KIF21A: variants seen among roughly 807,000 people sequenced by gnomAD.
The protein encoded by KIF21A is kinesin family member 21A, also known as kinesin-like protein KIF21A.
In KIF21A, 114 loss-of-function variants were observed where a neutral mutation model predicts 202.9. The ratio of observed to expected loss-of-function variants is 0.56; its 90% CI spans 0.48 to 0.66. The LOEUF (loss-of-function observed/expected upper bound fraction) is 0.66, where lower values mean the gene tolerates loss of function less well. Among genes scored for constraint, KIF21A ranks in the 30% least tolerant of loss-of-function variants. The probability of loss-of-function intolerance (pLI) is 0.00; values close to 1 mark genes in which losing one functional copy is unlikely to be tolerated. For synonymous variants in KIF21A, 667 were observed against 670.8 expected (o/e 0.99, Z 0.09); for missense variants, 1,677 against 1,994.9 (o/e 0.84, Z 3.04).
At position 39,296,600 on chromosome 12, in the gene KIF21A, G is replaced by C. The variant is rs372135037; in HGVS notation, c.4932-2083C>G. On this transcript the variant is annotated intron_variant, in intron 37 of 37. Transcript: ENST00000361418. ...AAGAGATTACAATTTTAAATAAAAT[G>C]GCCAGGATACTCTTACTGAGGAAGA... Among the ~76,000 whole-genome samples the C allele has an allele frequency of 2.0e-5, 3 of 152,130 alleles. No homozygotes were observed. In the East Asian group the frequency reaches 5.8e-4, roughly 29 times the overall value.
intron 1 of KIF21A, among the ~76,000 whole-genome samples, chr12:39,415,598 T>G (rs1439587724): frequency 1.3e-5 from 2 of 152,182 alleles, no homozygotes; most frequent in African/African-American, 4.8e-5. Context: ...AGCTCCCTTA[T>G]GTCTGAGAAG....
intron 1 of KIF21A, among the ~76,000 whole-genome samples, chr12:39,417,370 TTCCA>T (rs1953851365): frequency 6.6e-6 from 1 of 152,154 alleles, no homozygotes; most frequent in Non-Finnish European, 1.5e-5. Flanking sequence ...TGATTATATT[TTCCA>T]ATATCAATGA....
At chr12:39,348,631 A>G (rs1245971208) in intron 11 of KIF21A, among the ~76,000 whole-genome samples, 2 of 152,006 alleles carry the variant, frequency 1.3e-5, no homozygotes, top group Non-Finnish European at 2.9e-5. Context: ...ACACAAAACA[A>G]TAAATTAAAA....
chr12:39,344,551 T>C (rs2138487404), intron 12 of KIF21A, among the ~76,000 whole-genome samples: 1 of 152,294 alleles, frequency 6.6e-6, no homozygotes, highest in East Asian at 1.9e-4. Context: ...ATTCCAAACA[T>C]TTGACCCAAC....
chr12:39,431,816 T>C (rs556690419), intron 1 of KIF21A, among the ~76,000 whole-genome samples: 67 of 152,244 alleles, frequency 4.4e-4, no homozygotes, highest in Non-Finnish European at 8.1e-4. Flanking sequence ...ACAAAATAGA[T>C]AAGAATATTA....
chr12:39,402,562 T>A (rs2139879868), intron 1 of KIF21A, among the ~76,000 whole-genome samples: 1 of 152,146 alleles, frequency 6.6e-6, no homozygotes, highest in South Asian at 2.1e-4. Context: ...AATAAATAAA[T>A]AATTTTTAAA....
intron 16 of KIF21A, among the ~76,000 whole-genome samples, chr12:39,338,348 C>T (rs528838082): frequency 3.1e-4 from 47 of 151,982 alleles, no homozygotes; most frequent in Non-Finnish European, 4.7e-4. Context: ...GTGTTTTAAA[C>T]TGTGATATTT....
chr12:39,412,687 C>T (rs536875325), intron 1 of KIF21A, among the ~76,000 whole-genome samples: 3 of 152,146 alleles, frequency 2.0e-5, no homozygotes, highest in South Asian at 4.2e-4. Flanking sequence ...CACTGCACTC[C>T]AGCCTGGGTG....
intron 37 of KIF21A, among the ~76,000 whole-genome samples, chr12:39,296,088 A>G (rs1447948938): frequency 1.4e-4 from 18 of 124,546 alleles, no homozygotes; most frequent in Admixed American, 8.4e-5. Flanking sequence ...TTTTTTTTTT[A>G]AACAGAGTCT....
chr12:39,295,878 C>T (rs1175627324), intron 37 of KIF21A, among the ~76,000 whole-genome samples: 1 of 150,536 alleles, frequency 6.6e-6, no homozygotes, highest in Non-Finnish European at 1.5e-5. Flanking sequence ...ATTTTTATTG[C>T]GTTTTTAGTA....
intron 1 of KIF21A, among the ~76,000 whole-genome samples, chr12:39,416,075 A>G (rs1953555382): frequency 6.6e-6 from 1 of 152,170 alleles, no homozygotes; most frequent in Admixed American, 6.5e-5. Context: ...GCCAAAATTC[A>G]GTTCCTGGAA....
intron 4 of KIF21A, among the ~76,000 whole-genome samples, chr12:39,367,380 G>T (rs1949673845): frequency 6.6e-6 from 1 of 152,190 alleles, no homozygotes; most frequent in African/African-American, 2.4e-5. Flanking sequence ...AGATTCCATT[G>T]TTGGCCATTT....
At chr12:39,351,217 A>C (rs1948349853) in intron 11 of KIF21A, among the ~76,000 whole-genome samples, 1 of 152,108 alleles carries the variant, frequency 6.6e-6, no homozygotes, top group Non-Finnish European at 1.5e-5. Context: ...AGTGGTGAAA[A>C]GCTGAGTAAC....
intron 6 of KIF21A, among the ~76,000 whole-genome samples, chr12:39,363,630 C>A (rs974048385): frequency 6.6e-6 from 1 of 152,124 alleles, no homozygotes; most frequent in Admixed American, 6.5e-5. Context: ...ACAGTTCCCA[C>A]GGGAAAAGAA....
intron 28 of KIF21A, among the ~76,000 whole-genome samples, chr12:39,318,964 G>C (rs1022076012): frequency 4.0e-5 from 6 of 150,314 alleles, no homozygotes; most frequent in African/African-American, 1.2e-4. Context: ...CTGGGCAACA[G>C]AGCGAGACTC....
At chr12:39,436,448 A>ATATATATATATATATTTTT (rs1387332677) in intron 1 of KIF21A, among the ~76,000 whole-genome samples, 2 of 95,760 alleles carry the variant, frequency 2.1e-5, no homozygotes, top group East Asian at 3.2e-4. Flanking sequence ...ATATATATAT[A>ATATATATATATATATTTTT]TTTTTTTTTT....
chr12:39,293,525 A>G lies in KIF21A; in HGVS notation c.*899T>C, dbSNP rs933966527. ...ACCACAGATGATAATAGCTCTCATC[A>G]TAGCTACCAAGGTTCGCAAACATAG... On this transcript the variant is annotated 3_prime_UTR_variant, in exon 38 of 38. Coordinates refer to ENST00000361418, the MANE Select transcript of KIF21A (RefSeq NM_001173464.2). The G allele has an allele frequency of 1.3e-5, 2 of 152,644 alleles. No homozygotes were observed. Among genetic ancestry groups the G allele is most frequent in the African/African-American group, 4.8e-5 (2 of 41,458 alleles). 9.5% of individuals were successfully genotyped at this position (152,644 alleles called of 1,614,324 possible).
At chr12:39,301,348 C>A in intron 37 of KIF21A, 132 bp downstream of exon 37, 1 of 821,354 alleles carries the variant, frequency 1.2e-6, no homozygotes, top group Non-Finnish European at 2.0e-6. Context: ...ATGAATAAGA[C>A]ATCTTAAAAC....
chr12:39,417,506 GT>G (rs1255782143), intron 1 of KIF21A, among the ~76,000 whole-genome samples: 1 of 152,164 alleles, frequency 6.6e-6, no homozygotes, highest in Admixed American at 6.5e-5. Context: ...GAACAGTTAT[GT>G]GAGGCTTCTT....
Sources: allele counts gnomAD v4.1 joint callset (sites outside exome capture counted in the v4.1 genomes callset), GRCh38; gene constraint gnomAD v4.1.1; transcripts MANE v1.5; gene names NCBI Gene and HGNC (gene_info 2026-07-23, HGNC 2026-07-21).